MAML3: variants seen among roughly 807,000 people sequenced by gnomAD.
MAML3 encodes mastermind like transcriptional coactivator 3.
MAML3 carries 27 observed loss-of-function variants against 101.9 expected under a neutral mutation model. That is an observed-to-expected ratio of 0.27 (90% confidence interval 0.20 to 0.37). The LOEUF (loss-of-function observed/expected upper bound fraction) is 0.37, where lower values mean the gene tolerates loss of function less well. MAML3 is among the 10% of genes least tolerant of loss of function. The pLI, the probability that MAML3 is intolerant of heterozygous loss-of-function variation, is 1.00. For missense variants in MAML3, 1,316 were observed against 1,444.9 expected (o/e 0.91, Z 1.45); for synonymous variants, 501 against 555.9 (o/e 0.90, Z 1.39).
chr4:140,086,233 A>G (rs1225228235), intron 1 of MAML3, among the ~76,000 whole-genome samples: 1 of 152,218 alleles, frequency 6.6e-6, no homozygotes. Flanking sequence ...CACCATCCGC[A>G]CATAGGCGCT....
At chr4:139,821,174 T>A (rs187183381) in intron 2 of MAML3, among the ~76,000 whole-genome samples, 1 of 152,320 alleles carries the variant, frequency 6.6e-6, no homozygotes, top group South Asian at 2.1e-4. Flanking sequence ...ATTAATTAGA[T>A]GAACTGTCTG....
rs934591797 is a variant in MAML3 at position 139,785,265 on chromosome 4, C to T, written c.2080-54598G>A. ...CGGTGCCGGATCCTGATACCAAGACCGAGGACATGGATGGGGTTTTGCTGT... is the reference window on the plus strand; with the variant it reads ...CGGTGCCGGATCCTGATACCAAGACTGAGGACATGGATGGGGTTTTGCTGT... On this transcript the variant is annotated intron_variant, in intron 2 of 4. Coordinates refer to ENST00000509479, the MANE Select transcript of MAML3 (RefSeq NM_018717.5). This position sits in a 1 kb window ranked among gnomAD's most constrained non-coding sequence, Gnocchi z 4.3. Among the ~76,000 whole-genome samples the T allele has an allele frequency of 1.3e-5, 2 of 152,120 alleles. No homozygotes were observed. The highest frequency in any genetic ancestry group is 4.8e-5 in the African/African-American group (2 of 41,420).
In MAML3 at chr4:140,090,333, T is replaced by A. The variant is rs556295657; in HGVS notation, c.468+62527A>T. ...CAGGACCTGTGTGGCCTTCATGGAATGTTAGAATGTTGTTGTTATCTTTGT... is the reference window on the plus strand; with the variant it reads ...CAGGACCTGTGTGGCCTTCATGGAAAGTTAGAATGTTGTTGTTATCTTTGT... On this transcript the variant is annotated intron_variant, in intron 1 of 4. Transcript: ENST00000509479. Among the ~76,000 whole-genome samples the A allele has an allele frequency of 2.0e-5, 3 of 152,354 alleles. No homozygotes were observed. The South Asian group carries it at 6.2e-4, about 32-fold the overall frequency.
chr4:139,997,111 CA>C (rs56709812), intron 1 of MAML3, among the ~76,000 whole-genome samples: 39,916 of 147,422 alleles, frequency 0.27, 6,767 homozygotes, highest in Middle Eastern at 0.36. Flanking sequence ...GACTCTGTCT[CA>C]AAAAAATATT....
intron 2 of MAML3, among the ~76,000 whole-genome samples, chr4:139,882,603 C>A (rs536658250): frequency 2.0e-5 from 3 of 152,278 alleles, no homozygotes; most frequent in Non-Finnish European, 4.4e-5. Context: ...AATCCCAGCA[C>A]TTTGGGAGGC....
intron 1 of MAML3, among the ~76,000 whole-genome samples, chr4:140,005,258 CT>C (rs1726425759): frequency 6.6e-6 from 1 of 152,246 alleles, no homozygotes; most frequent in East Asian, 1.9e-4. Context: ...CCTAATCCTC[CT>C]TGGCAGAAAG....
At chr4:139,996,638 AT>A (rs1442635956) in intron 1 of MAML3, among the ~76,000 whole-genome samples, 1 of 151,914 alleles carries the variant, frequency 6.6e-6, no homozygotes, top group Non-Finnish European at 1.5e-5. Flanking sequence ...TTATACTAAT[AT>A]GTTTTGAGTC....
chr4:140,117,649 G>GTGTA (rs142436234), intron 1 of MAML3, among the ~76,000 whole-genome samples: 2 of 148,508 alleles, frequency 1.3e-5, no homozygotes, highest in East Asian at 2.0e-4. Flanking sequence ...GTGTATACAG[G>GTGTA]TATATATATA....
At chr4:139,834,897 C>T (rs1187111471) in intron 2 of MAML3, among the ~76,000 whole-genome samples, 1 of 151,986 alleles carries the variant, frequency 6.6e-6, no homozygotes, top group African/African-American at 2.4e-5. Flanking sequence ...TGAAATAGGC[C>T]CTGATTTTAT....
intron 1 of MAML3, among the ~76,000 whole-genome samples, chr4:140,103,896 T>C (rs1351563151): frequency 6.6e-6 from 1 of 152,110 alleles, no homozygotes; most frequent in Non-Finnish European, 1.5e-5. Context: ...CATATTAAGA[T>C]CAAAACTGCA....
At chr4:139,878,173 C>G (rs1384123068) in intron 2 of MAML3, among the ~76,000 whole-genome samples, 4 of 152,192 alleles carry the variant, frequency 2.6e-5, no homozygotes, top group Non-Finnish European at 5.9e-5. Context: ...AGGAATAATG[C>G]TTTGCCGCCA....
chr4:139,750,982 A>G (rs1008460490), intron 2 of MAML3, among the ~76,000 whole-genome samples: 3 of 152,196 alleles, frequency 2.0e-5, no homozygotes, highest in Non-Finnish European at 4.4e-5. Flanking sequence ...ACACCTGGCA[A>G]GCTGCCTCCT....
intron 1 of MAML3, among the ~76,000 whole-genome samples, chr4:140,080,808 C>T (rs553902259): frequency 1.3e-5 from 2 of 152,128 alleles, no homozygotes; most frequent in Non-Finnish European, 2.9e-5. Flanking sequence ...CCACTAAAAC[C>T]AACACCTGGC....
intron 1 of MAML3, among the ~76,000 whole-genome samples, chr4:140,144,566 G>T (rs910039057): frequency 7.5e-6 from 1 of 133,102 alleles, no homozygotes; most frequent in African/African-American, 2.7e-5. Context: ...AAAAAAAAAA[G>T]AATTAAAGGA....
chr4:139,720,382 C>G (rs1357879625), intron 4 of MAML3, 59 bp from the exon 5 acceptor site: 1 of 1,435,850 alleles, frequency 7.0e-7, no homozygotes, highest in East Asian at 2.4e-5. Flanking sequence ...TATACTGCAA[C>G]AAGATGTTGG....
chr4:139,947,304 G>T (rs748273048), intron 1 of MAML3, among the ~76,000 whole-genome samples: 34 of 152,106 alleles, frequency 2.2e-4, no homozygotes, highest in Admixed American at 1.5e-3. Flanking sequence ...AGTGGTATTT[G>T]CTAAATGGAC....
chr4:139,967,594 G>T (rs1343475458), intron 1 of MAML3, among the ~76,000 whole-genome samples: 4 of 151,998 alleles, frequency 2.6e-5, no homozygotes, highest in Admixed American at 1.3e-4. Flanking sequence ...GAGAGAGAGT[G>T]TGCCTCTCCT....
At chr4:140,019,584 C>T (rs538692670) in intron 1 of MAML3, among the ~76,000 whole-genome samples, 3 of 152,230 alleles carry the variant, frequency 2.0e-5, no homozygotes, top group African/African-American at 7.2e-5. Flanking sequence ...CGGCCAACAA[C>T]ATAAGGCAGC....
chr4:139,767,014 A>G (rs540915282), intron 2 of MAML3, among the ~76,000 whole-genome samples: 2 of 152,252 alleles, frequency 1.3e-5, no homozygotes, highest in Non-Finnish European at 2.9e-5. Context: ...CATAACAAGT[A>G]TACACGTGAC....
Sources: allele counts gnomAD v4.1 joint callset (sites outside exome capture counted in the v4.1 genomes callset), GRCh38; gene constraint gnomAD v4.1.1; non-coding constraint Gnocchi (gnomAD v3.1); transcripts MANE v1.5; gene names NCBI Gene and HGNC (gene_info 2026-07-23, HGNC 2026-07-21).